The following TRPM3 variants were observed in gnomAD, a reference collection of about 807,000 sequenced individuals.
The protein encoded by TRPM3 is transient receptor potential cation channel subfamily M member 3, also known as long transient receptor potential channel 3.
In TRPM3, 77 loss-of-function variants were observed where a neutral mutation model predicts 181.2. The ratio of observed to expected loss-of-function variants is 0.42; its 90% CI spans 0.35 to 0.51. The LOEUF (loss-of-function observed/expected upper bound fraction) is 0.51. TRPM3 is among the 20% of genes least tolerant of loss of function. The pLI is 0.01. For synonymous variants in TRPM3, 745 were observed against 796.4 expected (o/e 0.94, Z 1.09); for missense variants, 1,759 against 2,196.7 (o/e 0.80, Z 3.98).
chr9:70,994,963 A>G (rs950354641), intron 1 of TRPM3, among the ~76,000 whole-genome samples: 4 of 152,280 alleles, frequency 2.6e-5, no homozygotes, highest in African/African-American at 9.6e-5. Context: ...CTTTCTTTGT[A>G]TTTGCACAGA....
intron 1 of TRPM3, among the ~76,000 whole-genome samples, chr9:71,412,632 A>G (rs1033437969): frequency 3.6e-4 from 55 of 152,240 alleles, no homozygotes; most frequent in African/African-American, 1.3e-3. Flanking sequence ...AAATAGGAAC[A>G]CTTTTACACT....
chr9:70,685,118 CA>C (rs2066432935), intron 8 of TRPM3, among the ~76,000 whole-genome samples: 1 of 152,074 alleles, frequency 6.6e-6, no homozygotes, highest in African/African-American at 2.4e-5. Flanking sequence ...AGCATTTCAT[CA>C]ACATTTTGCT....
At chr9:71,378,165 A>G (rs995205380) in intron 1 of TRPM3, among the ~76,000 whole-genome samples, 16 of 152,140 alleles carry the variant, frequency 1.1e-4, no homozygotes, top group African/African-American at 3.9e-4. Flanking sequence ...TGAAACAGGC[A>G]CTTTGAAAGA....
At position 70,681,494 on chromosome 9, in the gene TRPM3, A is replaced by G. The variant is rs889847120; in HGVS notation, c.1345+12T>C. ...AATTATTTTCACACTCTCTGGACACAGACTCTTTTACCTTTGAGTAAAGCT... is the reference window on the plus strand; with the variant it reads ...AATTATTTTCACACTCTCTGGACACGGACTCTTTTACCTTTGAGTAAAGCT... On this transcript the variant is annotated intron_variant, in intron 9 of 25. Transcript: ENST00000677713. 1 of 1,611,704 alleles carries G rather than the reference A, an allele frequency of 6.2e-7. No homozygotes were observed. The highest frequency in any genetic ancestry group is 8.5e-7 in the Non-Finnish European group (1 of 1,178,090).
intron 1 of TRPM3, among the ~76,000 whole-genome samples, chr9:71,170,037 C>A (rs1452638903): frequency 6.8e-6 from 1 of 146,644 alleles, no homozygotes. Flanking sequence ...CAAAGTCAGA[C>A]TTTACTGCTT....
At chr9:70,898,762 A>AAAAAAG (rs1554764725) in intron 1 of TRPM3, among the ~76,000 whole-genome samples, 1 of 143,014 alleles carries the variant, frequency 7.0e-6, no homozygotes, top group East Asian at 2.1e-4. Context: ...AAAAAAAAAA[A>AAAAAAG]AAAAGAAAAG....
At chr9:71,381,462 T>C (rs542526947) in intron 1 of TRPM3, among the ~76,000 whole-genome samples, 6 of 152,300 alleles carry the variant, frequency 3.9e-5, no homozygotes, top group African/African-American at 1.2e-4. Flanking sequence ...TGTCATTTCA[T>C]ACTTTCAAAT....
chr9:71,197,209 T>G (rs1283948337), intron 1 of TRPM3, among the ~76,000 whole-genome samples: 2 of 152,218 alleles, frequency 1.3e-5, no homozygotes, highest in African/African-American at 4.8e-5. Context: ...CTCATCCTTT[T>G]AAATGGCTGC....
chr9:70,965,705 T>C (rs1165587058), intron 1 of TRPM3, among the ~76,000 whole-genome samples: 2 of 152,096 alleles, frequency 1.3e-5, no homozygotes, highest in Non-Finnish European at 2.9e-5. Flanking sequence ...GGTTTTTGCA[T>C]CATTGTTCAA....
intron 1 of TRPM3, among the ~76,000 whole-genome samples, chr9:71,431,327 AT>A (rs1346818620): frequency 6.6e-6 from 1 of 152,256 alleles, no homozygotes; most frequent in African/African-American, 2.4e-5. Flanking sequence ...GGATAAGTAA[AT>A]GTTTCAGCAC....
At chr9:70,877,573 A>T (rs143624950) in intron 1 of TRPM3, among the ~76,000 whole-genome samples, 49 of 152,080 alleles carry the variant, frequency 3.2e-4, no homozygotes, top group African/African-American at 1.1e-3. Context: ...CCTGTTTGGG[A>T]CATGAGGGAT....
chr9:71,022,054 A>T (rs563274334), intron 1 of TRPM3, among the ~76,000 whole-genome samples: 7 of 152,290 alleles, frequency 4.6e-5, no homozygotes, highest in African/African-American at 1.7e-4. Context: ...AAAAATCTAT[A>T]GGATAGAAAG....
chr9:71,328,851 C>T (rs1194603373), intron 1 of TRPM3, among the ~76,000 whole-genome samples: 2 of 152,230 alleles, frequency 1.3e-5, no homozygotes, highest in Non-Finnish European at 2.9e-5. Context: ...ATAACTGCTA[C>T]CTTCAATGCT....
chr9:71,408,748 A>G lies in TRPM3; in HGVS notation c.183+37905T>C, dbSNP rs185277874. Among the ~76,000 whole-genome samples the G allele has an allele frequency of 1.3e-3, 196 of 152,304 alleles. 2 individuals carry two copies. Among genetic ancestry groups the G allele is most frequent in the African/African-American group, 4.5e-3 (187 of 41,584 alleles). ...GCCAACATTCAAATTCAGGAAATAC[A>G]GAGAATGCCACAAAGATACTCCTCG... On this transcript the variant is annotated intron_variant, in intron 1 of 24. Transcript: ENST00000357533.
intron 1 of TRPM3, among the ~76,000 whole-genome samples, chr9:71,047,213 C>T (rs2059543566): frequency 6.6e-6 from 1 of 152,094 alleles, no homozygotes; most frequent in Non-Finnish European, 1.5e-5. Context: ...ATGTGAATAT[C>T]TTCTTGCCCA....
chr9:70,627,125 ATAGCCC>A (rs1341386674), intron 12 of TRPM3, among the ~76,000 whole-genome samples: 2 of 152,286 alleles, frequency 1.3e-5, no homozygotes, highest in South Asian at 4.1e-4. Flanking sequence ...CCTGGTTGGA[ATAGCCC>A]TAGTTCACTA....
At chr9:70,804,239 A>G (rs1417972250) in intron 6 of TRPM3, among the ~76,000 whole-genome samples, 1 of 152,158 alleles carries the variant, frequency 6.6e-6, no homozygotes, top group Non-Finnish European at 1.5e-5. Flanking sequence ...CTGAGGCAGG[A>G]GAATCCCTTG....
chr9:70,777,281 T>C (rs1023477768), intron 7 of TRPM3, among the ~76,000 whole-genome samples: 1 of 152,060 alleles, frequency 6.6e-6, no homozygotes, highest in Admixed American at 6.6e-5. Context: ...CTTTAGAAAA[T>C]AGTGTGGAGC....
intron 1 of TRPM3, among the ~76,000 whole-genome samples, chr9:71,350,564 C>T (rs1318963204): frequency 6.6e-6 from 1 of 152,222 alleles, no homozygotes; most frequent in African/African-American, 2.4e-5. Flanking sequence ...AATAATTGAA[C>T]TGTTGACTCA....
Sources: gnomAD v4.1 joint callset for allele counts (sites outside exome capture counted in the v4.1 genomes callset) on GRCh38, gnomAD v4.1.1 for gene constraint, MANE v1.5 for transcripts, NCBI Gene and HGNC (gene_info 2026-07-23, HGNC 2026-07-21) for gene names.